Variants in LCOR observed in about 807,000 individuals in gnomAD.
LCOR encodes the protein ligand dependent nuclear receptor corepressor.
A neutral mutation model predicts 64.4 loss-of-function variants in LCOR; 14 were observed. The observed-to-expected ratio is 0.22, with a 90% CI of 0.14 to 0.34. The LOEUF is 0.34. Among genes scored for constraint, LCOR ranks in the 10% least tolerant of loss-of-function variants. The pLI, the probability that LCOR is intolerant of heterozygous loss-of-function variation, is 1.00. For synonymous variants in LCOR, 643 were observed against 642.5 expected (o/e 1.00, Z -0.01); for missense variants, 1,686 against 1,765.3 (o/e 0.96, Z 0.80).
intron 2 of LCOR, among the ~76,000 whole-genome samples, chr10:96,886,377 C>T (rs1255794682): frequency 6.6e-6 from 1 of 152,122 alleles, no homozygotes; most frequent in African/African-American, 2.4e-5. Flanking sequence ...ATCTGAAATC[C>T]TCCAATGAGC....
intron 4 of LCOR, among the ~76,000 whole-genome samples, chr10:96,939,729 C>T (rs754971875): frequency 5.9e-5 from 9 of 152,136 alleles, no homozygotes; most frequent in South Asian, 4.1e-4. Flanking sequence ...TTTGGGAGGC[C>T]GAGGCGGGCG....
chr10:96,918,108 G>C (rs567698455), intron 4 of LCOR, among the ~76,000 whole-genome samples: 1 of 152,154 alleles, frequency 6.6e-6, no homozygotes, highest in African/African-American at 2.4e-5. Flanking sequence ...AGTTTCTAAG[G>C]AGTAAAGCAC....
rs71976703 is a variant in LCOR at position 96,916,587 on chromosome 10, C to CTATATA, written c.-184+8854_-184+8859dup. On this transcript the variant is annotated intron_variant, in intron 4 of 7. Transcript: ENST00000421806. ...GAAACACATATGAGATATTTAAAGG[C>CTATATA]TATATATATATATATATATCTATAT... is the stretch of plus-strand genomic sequence containing the variant. 9.2e-3 allele frequency among the ~76,000 whole-genome samples: 1,270 copies of CTATATA among 138,066 alleles called. 16 individuals carry two copies. The highest frequency in any genetic ancestry group is 0.032 in the South Asian group (129 of 4,026). The allele number at this position is 138,066 out of a possible 152,430, so 90.6% of individuals were successfully genotyped here. A position where few individuals can be genotyped will look rare whatever the true frequency, so the allele number is the denominator to read the frequency against.
chr10:96,976,524 T>C, intron 7 of LCOR, among the ~76,000 whole-genome samples: 1 of 152,228 alleles, frequency 6.6e-6, no homozygotes, highest in Non-Finnish European at 1.5e-5. Context: ...TTGAGCCATA[T>C]GGCCATGGTT....
At chr10:96,851,439 C>A (rs776865837) in intron 2 of LCOR, among the ~76,000 whole-genome samples, 3 of 152,096 alleles carry the variant, frequency 2.0e-5, no homozygotes, top group Non-Finnish European at 2.9e-5. Context: ...ATGAAGGATG[C>A]CATGAATCAA....
chr10:96,891,482 CTTT>C (rs745839487), intron 2 of LCOR, among the ~76,000 whole-genome samples: 11 of 28,498 alleles, frequency 3.9e-4, no homozygotes, highest in African/African-American at 1.1e-3. Context: ...TTTTCTGACT[CTTT>C]TTTTTTTTTT....
intron 2 of LCOR, among the ~76,000 whole-genome samples, chr10:96,843,917 G>C (rs1222475041): frequency 2.0e-5 from 3 of 152,036 alleles, no homozygotes; most frequent in Non-Finnish European, 4.4e-5. Flanking sequence ...ACCATATGTT[G>C]AGCATTTACT....
At chr10:96,920,644 G>A (rs1411871998) in intron 4 of LCOR, among the ~76,000 whole-genome samples, 15 of 138,294 alleles carry the variant, frequency 1.1e-4, no homozygotes, top group African/African-American at 4.1e-4. Flanking sequence ...TCATATATGT[G>A]TATATATGTG....
chr10:96,966,942 C>T (rs1847957611), intron 7 of LCOR, among the ~76,000 whole-genome samples: 1 of 152,250 alleles, frequency 6.6e-6, no homozygotes, highest in South Asian at 2.1e-4. Context: ...CAGTACGTTG[C>T]CCTGGCTGGT....
chr10:96,903,221 G>A (rs1012470427), intron 2 of LCOR, among the ~76,000 whole-genome samples: 1 of 152,074 alleles, frequency 6.6e-6, no homozygotes, highest in African/African-American at 2.4e-5. Flanking sequence ...GTTGCTGTAC[G>A]CTACTGTAGA....
At chr10:96,909,775 T>TC (rs1564622480) in intron 4 of LCOR, among the ~76,000 whole-genome samples, 1 of 152,220 alleles carries the variant, frequency 6.6e-6, no homozygotes, top group Non-Finnish European at 1.5e-5. Flanking sequence ...AAGAACGTGT[T>TC]TTAAAATTTA....
intron 7 of LCOR, chr10:96,954,987 G>A (rs370842120): frequency 1.5e-5 from 25 of 1,613,896 alleles, no homozygotes; most frequent in Admixed American, 6.7e-5. Context: ...CCGCCCAGAC[G>A]GACTTCGGAG....
At position 96,989,061 on chromosome 10, in the gene LCOR, G is replaced by C. The variant is rs1848173451; in HGVS notation, c.*3927G>C. The C allele has an allele frequency of 6.6e-6, 1 of 152,074 alleles. No individual in the cohort carries two copies. Among genetic ancestry groups the C allele is most frequent in the African/African-American group, 2.4e-5 (1 of 41,392 alleles). The allele number at this position is 152,074 out of a possible 1,614,324, so 9.4% of individuals were successfully genotyped here. On this transcript the variant is annotated 3_prime_UTR_variant, in exon 8 of 8. Transcript: ENST00000421806. ...TTCTCTCTTCTGCCCTTTTCTCTCTGTTCTTCTTTACTTCTCATTTTCCTT... is the reference window on the plus strand; with the variant it reads ...TTCTCTCTTCTGCCCTTTTCTCTCTCTTCTTCTTTACTTCTCATTTTCCTT...
chr10:96,905,167 C>G (rs1406933745), intron 2 of LCOR, among the ~76,000 whole-genome samples: 2 of 151,990 alleles, frequency 1.3e-5, no homozygotes, highest in Admixed American at 1.3e-4. Flanking sequence ...AGATTCTGTT[C>G]TTCTTTAAAA....
intron 2 of LCOR, among the ~76,000 whole-genome samples, chr10:96,866,240 G>C (rs947288941): frequency 6.6e-6 from 1 of 152,076 alleles, no homozygotes; most frequent in Non-Finnish European, 1.5e-5. Context: ...TCAAATTTTA[G>C]AATAGCCACT....
intron 2 of LCOR, among the ~76,000 whole-genome samples, chr10:96,848,719 CAGA>C (rs1453859846): frequency 6.6e-6 from 1 of 152,018 alleles, no homozygotes; most frequent in African/African-American, 2.4e-5. Context: ...TCTCAGATGG[CAGA>C]ATCTGAGGAT....
At chr10:96,970,360 T>A (rs1388473567) in intron 7 of LCOR, among the ~76,000 whole-genome samples, 2 of 152,098 alleles carry the variant, frequency 1.3e-5, no homozygotes, top group East Asian at 3.9e-4. Context: ...TCACACCACT[T>A]CACTTCAGCT....
chr10:96,845,991 G>A (rs1845622861), intron 2 of LCOR, among the ~76,000 whole-genome samples: 1 of 151,996 alleles, frequency 6.6e-6, no homozygotes, highest in Non-Finnish European at 1.5e-5. Flanking sequence ...CAGATTATTT[G>A]AGGTCAGGAG....
chr10:96,886,106 C>T (rs1305955713), intron 2 of LCOR, among the ~76,000 whole-genome samples: 2 of 152,074 alleles, frequency 1.3e-5, no homozygotes, highest in Non-Finnish European at 2.9e-5. Context: ...TCGAGCTCCT[C>T]GCTTCAAGTG....
Sources: allele counts gnomAD v4.1 joint callset (sites outside exome capture counted in the v4.1 genomes callset), GRCh38; gene constraint gnomAD v4.1.1; transcripts MANE v1.5; gene names NCBI Gene and HGNC (gene_info 2026-07-23, HGNC 2026-07-21).